The following CREB5 variants were observed in gnomAD, a reference collection of about 807,000 sequenced individuals.
CREB5 encodes cAMP responsive element binding protein 5, also known as cyclic AMP-responsive element-binding protein 5.
CREB5 carries 19 observed loss-of-function variants against 57.1 expected under a neutral mutation model. That is an observed-to-expected ratio of 0.33 (90% CI 0.23 to 0.49). The LOEUF (loss-of-function observed/expected upper bound fraction) is 0.49, where lower values mean the gene tolerates loss of function less well. Among genes scored for constraint, CREB5 ranks in the 20% least tolerant of loss-of-function variants. The probability of loss-of-function intolerance (pLI) is 0.99; values close to 1 mark genes in which losing one functional copy is unlikely to be tolerated. For missense variants in CREB5, 579 were observed against 671.6 expected, an observed-to-expected ratio of 0.86 and a Z score of 1.52; for synonymous variants, 238 against 238.3, an observed-to-expected ratio of 1.00 and a Z score of 0.01.
At chr7:28,361,183 A>G (rs549465084) in intron 1 of CREB5, among the ~76,000 whole-genome samples, 5 of 152,308 alleles carry the variant, frequency 3.3e-5, no homozygotes, top group African/African-American at 1.2e-4. Flanking sequence ...CGGAGGTTGA[A>G]TAAAGCAGCG....
intron 6 of CREB5, among the ~76,000 whole-genome samples, 160 bp from the exon 7 acceptor site, chr7:28,724,062 A>G (rs1002869334): frequency 6.6e-6 from 1 of 152,196 alleles, no homozygotes; most frequent in Non-Finnish European, 1.5e-5. Context: ...CGTGGGTTCA[A>G]GGCTCAGGAG....
chr7:28,320,763 C>T (rs1785482267), intron 1 of CREB5, among the ~76,000 whole-genome samples: 1 of 152,222 alleles, frequency 6.6e-6, no homozygotes, highest in South Asian at 2.1e-4. Context: ...TTATTCAGCA[C>T]TTCCATTAGC....
intron 7 of CREB5, among the ~76,000 whole-genome samples, chr7:28,790,459 AG>A (rs1562643012): frequency 3.6e-3 from 129 of 35,596 alleles, no homozygotes; most frequent in East Asian, 9.2e-3. Context: ...AGAGAGAGAG[AG>A]ATAGAGAGAG....
chr7:28,538,078 G>A lies in CREB5; in HGVS notation c.291+30341G>A, dbSNP rs139120661. On this transcript the variant is annotated intron_variant, in intron 4 of 10. Transcript: ENST00000357727. ...TTTGTTTTTATTTTTGTTTGAGACAGAGTCTCCCTCTGTTGCCCAGGCTGG... is the reference window on the plus strand; with the variant it reads ...TTTGTTTTTATTTTTGTTTGAGACAAAGTCTCCCTCTGTTGCCCAGGCTGG... Among the ~76,000 whole-genome samples the A allele has an allele frequency of 7.1e-5, 10 of 140,780 alleles. No individual in the cohort carries two copies. In the East Asian group the frequency reaches 1.9e-3, roughly 27 times the overall value. The allele number at this position is 140,780 out of a possible 152,430, so 92.4% of individuals were successfully genotyped here. A position where few individuals can be genotyped will look rare whatever the true frequency, so the allele number is the denominator to read the frequency against.
chr7:28,746,636 G>T (rs563079638), intron 7 of CREB5, among the ~76,000 whole-genome samples: 28 of 152,312 alleles, frequency 1.8e-4, no homozygotes, highest in African/African-American at 6.3e-4. Context: ...AACTTTAGCA[G>T]TTGTTAGAGG....
chr7:28,794,262 G>A (rs564155003), intron 7 of CREB5, among the ~76,000 whole-genome samples: 1 of 152,308 alleles, frequency 6.6e-6, no homozygotes, highest in African/African-American at 2.4e-5. Context: ...GTTTGCAGGT[G>A]CTGAGACTTT....
intron 1 of CREB5, among the ~76,000 whole-genome samples, chr7:28,472,976 C>T (rs1790892640): frequency 6.6e-6 from 1 of 152,158 alleles, no homozygotes; most frequent in South Asian, 2.1e-4. Flanking sequence ...CTGGACCACC[C>T]TCCCCTGCTT....
rs182810145 is a variant in CREB5, at chr7:28,382,465, G to A, written c.-25+83024G>A. Among the ~76,000 whole-genome samples, 8 of 152,258 alleles carry A rather than the reference G, an allele frequency of 5.3e-5. No homozygotes were observed. In the East Asian group the frequency reaches 5.8e-4, roughly 11 times the overall value. On this transcript the variant is annotated intron_variant, in intron 1 of 9. Coordinates refer to the CREB5 transcript ENST00000396299. ...ATAAATAATGCTTTACCAGCTATCTGAGTACCCCTTAACTCAGTGAGGTAG... is the reference window on the plus strand; with the variant it reads ...ATAAATAATGCTTTACCAGCTATCTAAGTACCCCTTAACTCAGTGAGGTAG...
intron 5 of CREB5, among the ~76,000 whole-genome samples, chr7:28,591,385 C>T (rs899016704): frequency 4.6e-5 from 7 of 152,176 alleles, no homozygotes; most frequent in Non-Finnish European, 1.0e-4. Context: ...TTTTTTCCCC[C>T]TCTGTCCTTC....
chr7:28,383,394 G>C (rs1173793735), intron 1 of CREB5, among the ~76,000 whole-genome samples: 4 of 152,200 alleles, frequency 2.6e-5, no homozygotes, highest in Admixed American at 6.5e-5. Context: ...AAATAGCTGG[G>C]ACTGGGTAAT....
chr7:28,768,921 A>G (rs1303052223), intron 7 of CREB5, among the ~76,000 whole-genome samples: 2 of 152,214 alleles, frequency 1.3e-5, no homozygotes, highest in Non-Finnish European at 2.9e-5. Flanking sequence ...GCCTCTCCTC[A>G]GGCAGCCCCT....
At chr7:28,444,084 G>A (rs758062500) in intron 1 of CREB5, among the ~76,000 whole-genome samples, 9 of 152,200 alleles carry the variant, frequency 5.9e-5, no homozygotes, top group African/African-American at 1.7e-4. Context: ...AAACTCAGAA[G>A]GTTCCTTTTC....
At chr7:28,514,739 G>A (rs1322679278) in intron 4 of CREB5, among the ~76,000 whole-genome samples, 1 of 152,188 alleles carries the variant, frequency 6.6e-6, no homozygotes, top group Non-Finnish European at 1.5e-5. Flanking sequence ...CATTTGTTCT[G>A]GCAAGATAGA....
intron 1 of CREB5, among the ~76,000 whole-genome samples, chr7:28,485,975 G>A (rs1036930729): frequency 6.6e-6 from 1 of 152,180 alleles, no homozygotes; most frequent in Admixed American, 6.5e-5. Flanking sequence ...CCAGACAAGG[G>A]CAAGCAGAAA....
upstream of CREB5, chr7:28,410,188 GGGCGCTTGGCTTTCGCTCCA>G (rs2128001946): frequency 2.2e-6 from 1 of 449,294 alleles, no homozygotes; most frequent in East Asian, 7.0e-5. Context: ...CGCCCTCGGA[GGGCGCTTGGCTTTCGCTCCA>G]GGCGCTCCGG....
At position 28,560,869 on chromosome 7, in the gene CREB5, C is replaced by CGTGTGT. The variant is rs1554344338; in HGVS notation, c.292-9493_292-9492insTGTGTG. On this transcript the variant is annotated intron_variant, in intron 4 of 10. Transcript: ENST00000357727. ...GCGCGTGTGTGTGTGCGTGTGCCTG[C>CGTGTGT]GTGCGCGTGCGTGCGTGCGTGTGTG... Among the ~76,000 whole-genome samples, 3 of 28,604 alleles carry CGTGTGT rather than the reference C, an allele frequency of 1.0e-4. 1 individual carries two copies. Among genetic ancestry groups the CGTGTGT allele is most frequent in the African/African-American group, 4.7e-4 (3 of 6,446 alleles). The allele number at this position is 28,604 out of a possible 152,430, so 18.8% of individuals were successfully genotyped here.
chr7:28,668,347 C>T (rs969358791), intron 5 of CREB5, among the ~76,000 whole-genome samples: 1 of 152,118 alleles, frequency 6.6e-6, no homozygotes, highest in African/African-American at 2.4e-5. Flanking sequence ...GTCATATATT[C>T]TTTTCCATTG....
chr7:28,793,386 GA>G (rs750738329), intron 7 of CREB5, among the ~76,000 whole-genome samples: 2 of 152,178 alleles, frequency 1.3e-5, no homozygotes, highest in Admixed American at 6.5e-5. Flanking sequence ...CTTCTTACTA[GA>G]AAAAGTTTGA....
intron 5 of CREB5, among the ~76,000 whole-genome samples, chr7:28,617,735 T>C (rs1201521174): frequency 2.6e-5 from 4 of 152,126 alleles, no homozygotes; most frequent in Non-Finnish European, 5.9e-5. Context: ...CCTTAAAGAA[T>C]AATAGAGGGG....
Sources: gnomAD v4.1 joint callset for allele counts (sites outside exome capture counted in the v4.1 genomes callset) on GRCh38, gnomAD v4.1.1 for gene constraint, MANE v1.5 for transcripts, NCBI Gene and HGNC (gene_info 2026-07-23, HGNC 2026-07-21) for gene names.